SLC16A10: variants seen among roughly 807,000 people sequenced by gnomAD.
The protein encoded by SLC16A10 is solute carrier family 16 member 10, also known as monocarboxylate transporter 10.
Under a neutral mutation model 40.0 loss-of-function variants are expected in SLC16A10, and 27 were observed. The ratio of observed to expected loss-of-function variants is 0.67; its 90% CI spans 0.50 to 0.93. The LOEUF (loss-of-function observed/expected upper bound fraction) is 0.93. SLC16A10 is among the 40% of genes least tolerant of loss of function. The pLI, the probability that SLC16A10 is intolerant of heterozygous loss-of-function variation, is 0.00. For missense variants in SLC16A10, 529 were observed against 658.2 expected, an observed-to-expected ratio of 0.80 and a Z score of 2.15; for synonymous variants, 213 against 249.8, an observed-to-expected ratio of 0.85 and a Z score of 1.39.
At chr6:111,137,383 A>G (rs1771898168) in intron 1 of SLC16A10, among the ~76,000 whole-genome samples, 2 of 152,252 alleles carry the variant, frequency 1.3e-5, no homozygotes. Context: ...TTTCAAAACT[A>G]TGAAGCAGAT....
At chr6:111,199,714 C>T (rs535917741) in intron 3 of SLC16A10, among the ~76,000 whole-genome samples, 2 of 151,678 alleles carry the variant, frequency 1.3e-5, no homozygotes, top group African/African-American at 4.8e-5. Flanking sequence ...TAAATCCAAG[C>T]TGGTTTTGGT....
At chr6:111,108,902 A>G (rs368413946) in intron 1 of SLC16A10, among the ~76,000 whole-genome samples, 16 of 152,316 alleles carry the variant, frequency 1.1e-4, no homozygotes, top group African/African-American at 2.9e-4. Flanking sequence ...ATTATTTCCA[A>G]TCATAATTTT....
At chr6:111,126,960 C>T (rs1771686377) in intron 1 of SLC16A10, among the ~76,000 whole-genome samples, 1 of 152,082 alleles carries the variant, frequency 6.6e-6, no homozygotes, top group South Asian at 2.1e-4. Context: ...AAAGTAACGG[C>T]AAAAACCGCA....
Position 111,219,001 on chromosome 6 carries a change from G to T in SLC16A10, c.1274G>T (p.Gly425Val). The T allele has an allele frequency of 6.2e-7, 1 of 1,614,106 alleles. No individual in the cohort carries two copies. Among genetic ancestry groups the T allele is most frequent in the Non-Finnish European group, 8.5e-7 (1 of 1,180,016 alleles). The change falls in exon 5 of 6, where the codon GGA becomes GTA. Residue 425 changes from glycine to valine, a missense_variant. By Grantham distance (109) the Gly-to-Val change is moderately radical (BLOSUM62 -3). Coordinates refer to ENST00000368851, the MANE Select transcript of SLC16A10 (RefSeq NM_018593.5). Reference protein sequence around the residue: ...DVSQAIGFLLGFMSIPMTVGP... With the variant: ...DVSQAIGFLLVFMSIPMTVGP... ...TCCCAAGCAATTGGATTTCTGCTCG[G>T]ATTCATGTCTATACCCATGACTGTT...
chr6:111,092,437 C>G (rs1467565521), intron 1 of SLC16A10, among the ~76,000 whole-genome samples: 1 of 151,146 alleles, frequency 6.6e-6, no homozygotes, highest in Non-Finnish European at 1.5e-5. Flanking sequence ...CTGCCTCAGC[C>G]TTCCGAGTAG....
Position 111,177,245 on chromosome 6 carries a change from C to T in SLC16A10, c.522C>T (p.Ile174=). 1 of 1,570,306 alleles carries T rather than the reference C, an allele frequency of 6.4e-7. No individual in the cohort carries two copies. Among genetic ancestry groups the T allele is most frequent in the Non-Finnish European group, 8.6e-7 (1 of 1,161,524 alleles). The stretch of plus-strand genomic sequence containing the variant: ...AGCCTCTGTACCTTACCTATGGAAT[C>T]ATATTTGCCTGCGGCTGCTCCTTTG... ...SIEPLYLTYG[I]IFACGCSFAY... is the part of the protein sequence containing the mutation. Residue 174 remains isoleucine (I), a synonymous_variant, in exon 3 of 6, where the codon ATC becomes ATT. Coordinates refer to ENST00000368851, the MANE Select transcript of SLC16A10 (RefSeq NM_018593.5).
rs1312692192 is a variant in SLC16A10 at position 111,150,472 on chromosome 6, T to TATC, written c.344-22207_344-22205dup. ...AAATCCCAGATATCGATATCATCAATATCATCATCATCATCATCTGTGGCT... is the reference window on the plus strand; with the variant it reads ...AAATCCCAGATATCGATATCATCAATATCATCATCATCATCATCATCTGTGGCT... On this transcript the variant is annotated intron_variant, in intron 1 of 5. Coordinates refer to ENST00000368851, the MANE Select transcript of SLC16A10 (RefSeq NM_018593.5). Among the ~76,000 whole-genome samples the TATC allele has an allele frequency of 2.0e-3, 310 of 152,244 alleles. 1 individual carries two copies. Among genetic ancestry groups the TATC allele is most frequent in the African/African-American group, 7.2e-3 (300 of 41,560 alleles).
intron 4 of SLC16A10, among the ~76,000 whole-genome samples, chr6:111,211,094 GGTT>G (rs903053921): frequency 2.0e-5 from 3 of 152,046 alleles, no homozygotes; most frequent in African/African-American, 4.8e-5. Context: ...AAGTCACTGT[GGTT>G]GTTCTGTGTT....
At chr6:111,134,698 T>C (rs2114494008) in intron 1 of SLC16A10, among the ~76,000 whole-genome samples, 1 of 152,278 alleles carries the variant, frequency 6.6e-6, no homozygotes, top group South Asian at 2.1e-4. Flanking sequence ...TAAAAAAGAT[T>C]ATCCAAATAG....
At chr6:111,138,669 G>T (rs773494389) in intron 1 of SLC16A10, among the ~76,000 whole-genome samples, 22 of 150,760 alleles carry the variant, frequency 1.5e-4, no homozygotes, top group Non-Finnish European at 3.1e-4. Flanking sequence ...TTTTTTTTAA[G>T]ACAGGGTCTT....
intron 1 of SLC16A10, among the ~76,000 whole-genome samples, chr6:111,156,961 C>A (rs949932350): frequency 6.6e-6 from 1 of 152,156 alleles, no homozygotes; most frequent in Non-Finnish European, 1.5e-5. Context: ...TTCTGTTGCC[C>A]AGGCTGTAGT....
At chr6:111,179,233 G>A (rs979699710) in intron 3 of SLC16A10, among the ~76,000 whole-genome samples, 1 of 152,076 alleles carries the variant, frequency 6.6e-6, no homozygotes, top group African/African-American at 2.4e-5. Context: ...GTAGATGACT[G>A]TCTAGTTATT....
At chr6:111,189,930 T>C (rs1207294807) in intron 3 of SLC16A10, among the ~76,000 whole-genome samples, 1 of 152,146 alleles carries the variant, frequency 6.6e-6, no homozygotes, top group Non-Finnish European at 1.5e-5. Context: ...GTCCTCACAT[T>C]TCAAAACTAA....
intron 1 of SLC16A10, among the ~76,000 whole-genome samples, chr6:111,152,961 A>T (rs1469586023): frequency 6.6e-6 from 1 of 152,206 alleles, no homozygotes; most frequent in Non-Finnish European, 1.5e-5. Flanking sequence ...GTGTGTGTGC[A>T]CATGCATGTG....
intron 3 of SLC16A10, among the ~76,000 whole-genome samples, chr6:111,192,227 C>G (rs746220906): frequency 2.6e-5 from 4 of 152,084 alleles, no homozygotes; most frequent in Non-Finnish European, 4.4e-5. Flanking sequence ...GAAATTTTTT[C>G]CACCGGATAC....
At chr6:111,128,287 A>G (rs185258357) in intron 1 of SLC16A10, among the ~76,000 whole-genome samples, 80 of 152,152 alleles carry the variant, frequency 5.3e-4, no homozygotes, top group African/African-American at 1.9e-3. Context: ...TTTCCTTCTC[A>G]TTTTACAGAT....
chr6:111,124,814 A>G (rs1331750209), intron 1 of SLC16A10, among the ~76,000 whole-genome samples: 3 of 152,256 alleles, frequency 2.0e-5, no homozygotes, highest in Non-Finnish European at 4.4e-5. Context: ...GACTTTCTAT[A>G]GGAAAAATAA....
chr6:111,202,162 C>T (rs1277398745), intron 3 of SLC16A10, among the ~76,000 whole-genome samples: 1 of 152,196 alleles, frequency 6.6e-6, no homozygotes, highest in Admixed American at 6.5e-5. Context: ...AGTAACCGGC[C>T]TTCAGTTGGC....
chr6:111,103,589 C>A (rs1378507449), intron 1 of SLC16A10, among the ~76,000 whole-genome samples: 1 of 152,132 alleles, frequency 6.6e-6, no homozygotes, highest in Non-Finnish European at 1.5e-5. Flanking sequence ...TTATTCCATG[C>A]TCTTGAGAGG....
Sources: gnomAD v4.1 joint callset for allele counts (sites outside exome capture counted in the v4.1 genomes callset) on GRCh38, gnomAD v4.1.1 for gene constraint, MANE v1.5 for transcripts, NCBI Gene and HGNC (gene_info 2026-07-23, HGNC 2026-07-21) for gene names.